GOLIM4: variants seen among roughly 807,000 people sequenced by gnomAD.
GOLIM4 encodes golgi integral membrane protein 4, also known as 130 kDa golgi-localized phosphoprotein.
In GOLIM4, 71 loss-of-function variants were observed where a neutral mutation model predicts 107.4. That is an observed-to-expected ratio of 0.66 (90% CI 0.55 to 0.81). GOLIM4 has a LOEUF of 0.81. Among genes scored for constraint, GOLIM4 ranks in the 30% least tolerant of loss-of-function variants. The probability of loss-of-function intolerance (pLI) is 0.00; values close to 1 mark genes in which losing one functional copy is unlikely to be tolerated. For synonymous variants in GOLIM4, 327 were observed against 294.8 expected, an observed-to-expected ratio of 1.11 and a Z score of -1.12; for missense variants, 830 against 826.1, an observed-to-expected ratio of 1.00 and a Z score of -0.06.
chr3:168,011,226 C>T (rs558031973), intron 14 of GOLIM4, among the ~76,000 whole-genome samples: 2 of 150,676 alleles, frequency 1.3e-5, no homozygotes. Context: ...CATTGTCTCA[C>T]TTGGGAAGCT....
rs1721735600 is a variant in GOLIM4 at position 168,088,457 on chromosome 3, C to T, written c.187+6642G>A. On this transcript the variant is annotated intron_variant, in intron 1 of 15. Transcript: ENST00000470487. ...TCAGATGCACTATTTCTAATCCATA[C>T]AAGTTTGCAAGTTAGACATTGCTAA... Among the ~76,000 whole-genome samples, 3 of 152,200 alleles carry T rather than the reference C, an allele frequency of 2.0e-5. 1 individual carries two copies. In the South Asian group the frequency reaches 6.2e-4, roughly 31 times the overall value.
At chr3:168,022,865 G>C (rs992968784) in intron 14 of GOLIM4, among the ~76,000 whole-genome samples, 1 of 152,178 alleles carries the variant, frequency 6.6e-6, no homozygotes, top group African/African-American at 2.4e-5. Flanking sequence ...TGCAGCAAGA[G>C]GAAGAGTCCT....
At chr3:168,088,508 A>C (rs1354192356) in intron 1 of GOLIM4, among the ~76,000 whole-genome samples, 1 of 152,202 alleles carries the variant, frequency 6.6e-6, no homozygotes, top group African/African-American at 2.4e-5. Context: ...GAAGAGGCTG[A>C]AGTTCAGAGA....
chr3:168,039,454 G>C (rs1718851442), intron 7 of GOLIM4, among the ~76,000 whole-genome samples: 1 of 151,824 alleles, frequency 6.6e-6, no homozygotes, highest in African/African-American at 2.4e-5. Context: ...AGTAGAGAAG[G>C]GGTTTCACCA....
Position 168,032,870 on chromosome 3 carries a change from C to T in GOLIM4, c.844-18G>A, listed in dbSNP as rs1718415769. 3.9e-6 allele frequency: 6 copies of T among 1,557,400 alleles called. No individual in the cohort carries two copies. Among genetic ancestry groups the T allele is most frequent in the Middle Eastern group, 1.7e-4 (1 of 5,892 alleles). On this transcript the variant is annotated intron_variant, in intron 8 of 15. Transcript: ENST00000470487. ...CGAGACACCTAGGCCAAGCACATCA[C>T]TGGGAATGACACTCTTCCAATTTCA...
chr3:168,024,047 G>C (rs1349519538), intron 14 of GOLIM4, among the ~76,000 whole-genome samples: 1 of 152,136 alleles, frequency 6.6e-6, no homozygotes, highest in East Asian at 1.9e-4. Context: ...TCTTAAGAAG[G>C]AAGAGGCCAG....
chr3:168,050,870 A>AATG (rs1213081290), intron 1 of GOLIM4, among the ~76,000 whole-genome samples: 2 of 146,044 alleles, frequency 1.4e-5, no homozygotes, highest in African/African-American at 2.5e-5. Flanking sequence ...TAATAATAAT[A>AATG]AAACCTAGCA....
At chr3:168,075,158 G>A (rs1721006874) in intron 1 of GOLIM4, among the ~76,000 whole-genome samples, 1 of 151,564 alleles carries the variant, frequency 6.6e-6, no homozygotes, top group Non-Finnish European at 1.5e-5. Context: ...AAACAGAGAT[G>A]AGAAAAAACA....
chr3:168,035,851 A>G (rs1338799363), intron 8 of GOLIM4, among the ~76,000 whole-genome samples: 3 of 141,494 alleles, frequency 2.1e-5, no homozygotes, highest in African/African-American at 5.5e-5. Context: ...AGATGATTGG[A>G]AAAAAAAAAA....
intron 4 of GOLIM4, among the ~76,000 whole-genome samples, chr3:168,044,248 G>A (rs1288011723): frequency 2.6e-5 from 4 of 152,172 alleles, no homozygotes; most frequent in African/African-American, 9.7e-5. Flanking sequence ...GCACGGTGGG[G>A]TGGAGATGCC....
chr3:168,037,043 C>A, intron 7 of GOLIM4, 49 bp from the exon 8 acceptor site: 2 of 1,325,158 alleles, frequency 1.5e-6, no homozygotes, highest in South Asian at 1.3e-5. Context: ...AATGCCCATT[C>A]ATAGATGGGC....
chr3:168,017,032 T>TA (rs766021252), intron 14 of GOLIM4, among the ~76,000 whole-genome samples: 37 of 151,984 alleles, frequency 2.4e-4, no homozygotes, highest in Non-Finnish European at 4.3e-4. Flanking sequence ...CCCTAAAACT[T>TA]AAAGTATAAT....
rs545826300 is a variant in GOLIM4 at position 168,033,644 on chromosome 3, A to G, written c.844-792T>C. Among the ~76,000 whole-genome samples, 332 of 144,922 alleles carry G rather than the reference A, an allele frequency of 2.3e-3. 1 individual carries two copies. The highest frequency in any genetic ancestry group is 4.4e-3 in the South Asian group (20 of 4,590). Reference sequence around the variant, plus strand: ...AAAAAAAAAAAAAAAAAAAAAAAGAATGCCATTACTAATGAACATCCATGT... The same window carrying G: ...AAAAAAAAAAAAAAAAAAAAAAAGAGTGCCATTACTAATGAACATCCATGT... On this transcript the variant is annotated intron_variant, in intron 8 of 15. Coordinates refer to ENST00000470487, the MANE Select transcript of GOLIM4 (RefSeq NM_014498.5).
At chr3:168,093,695 T>C (rs1194133933) in intron 1 of GOLIM4, among the ~76,000 whole-genome samples, 1 of 152,134 alleles carries the variant, frequency 6.6e-6, no homozygotes, top group African/African-American at 2.4e-5. Context: ...TTAAAGAAAA[T>C]TTTGTGAACC....
intron 1 of GOLIM4, among the ~76,000 whole-genome samples, chr3:168,058,445 A>G (rs999727252): frequency 6.6e-6 from 1 of 152,222 alleles, no homozygotes; most frequent in Non-Finnish European, 1.5e-5. Context: ...TCTCATTATC[A>G]GATGAAGTCT....
At chr3:168,057,665 G>A (rs1720052862) in intron 1 of GOLIM4, among the ~76,000 whole-genome samples, 1 of 152,134 alleles carries the variant, frequency 6.6e-6, no homozygotes, top group Non-Finnish European at 1.5e-5. Context: ...TTTGGGTGGG[G>A]ACACAGAGCA....
intron 8 of GOLIM4, among the ~76,000 whole-genome samples, chr3:168,034,406 C>A (rs777361764): frequency 1.3e-5 from 2 of 152,160 alleles, no homozygotes; most frequent in Non-Finnish European, 2.9e-5. Flanking sequence ...AACTGCCAGG[C>A]CAGTGATCTG....
At chr3:168,045,302 C>T (rs1161657929) in intron 3 of GOLIM4, among the ~76,000 whole-genome samples, 1 of 152,104 alleles carries the variant, frequency 6.6e-6, no homozygotes, top group East Asian at 1.9e-4. Flanking sequence ...ACAAGCTGAG[C>T]ATGGCTTAAA....
intron 1 of GOLIM4, among the ~76,000 whole-genome samples, chr3:168,074,181 T>C (rs1357450938): frequency 6.6e-6 from 1 of 152,154 alleles, no homozygotes; most frequent in East Asian, 1.9e-4. Context: ...GGATCCTCCC[T>C]GGAGACTGCA....
Sources: gnomAD v4.1 joint callset for allele counts (sites outside exome capture counted in the v4.1 genomes callset) on GRCh38, gnomAD v4.1.1 for gene constraint, MANE v1.5 for transcripts, NCBI Gene and HGNC (gene_info 2026-07-23, HGNC 2026-07-21) for gene names.